The following MMP16 variants were observed in gnomAD, a reference collection of about 807,000 sequenced individuals.
MMP16 encodes the protein matrix metalloproteinase-16.
A neutral mutation model predicts 67.8 loss-of-function variants in MMP16; 12 were observed. The observed-to-expected ratio is 0.18, with a 90% CI of 0.11 to 0.29. The LOEUF is 0.29. Among genes scored for constraint, MMP16 ranks in the 10% least tolerant of loss-of-function variants. MMP16 has a pLI of 1.00. For synonymous variants in MMP16, 249 were observed against 255.9 expected, an observed-to-expected ratio of 0.97 and a Z score of 0.26; for missense variants, 475 against 765.7, an observed-to-expected ratio of 0.62 and a Z score of 4.48.
intron 1 of MMP16, among the ~76,000 whole-genome samples, chr8:88,252,560 A>T (rs1308883316): frequency 6.6e-6 from 1 of 151,844 alleles, no homozygotes; most frequent in Non-Finnish European, 1.5e-5. Flanking sequence ...GTTCAAAAAT[A>T]AAAAAAATCA....
At chr8:88,094,482 T>C (rs1259963852) in intron 6 of MMP16, among the ~76,000 whole-genome samples, 1 of 151,696 alleles carries the variant, frequency 6.6e-6, no homozygotes, top group Non-Finnish European at 1.5e-5. Flanking sequence ...CTGACCATAA[T>C]TATAAACATG....
chr8:88,298,423 G>T (rs1307535448), intron 1 of MMP16, among the ~76,000 whole-genome samples: 2 of 152,146 alleles, frequency 1.3e-5, no homozygotes, highest in Non-Finnish European at 1.5e-5. Flanking sequence ...TTTAGAAAAA[G>T]AAATGGAAAA....
intron 6 of MMP16, among the ~76,000 whole-genome samples, chr8:88,116,299 C>T (rs28907641): frequency 3.2e-4 from 48 of 152,152 alleles, no homozygotes; most frequent in African/African-American, 1.1e-3. Context: ...TCTGCTGACA[C>T]GAATGCATTC....
In MMP16 at chr8:88,059,556, G is replaced by C. The variant is rs533028526; in HGVS notation, c.1223-3278C>G. On this transcript the variant is annotated intron_variant, in intron 7 of 9. Transcript: ENST00000286614. ...CGTGGCTGACATCAGAAACATCCTTGTTCCTCATTTTCCATATTTAATGGA... is the reference window on the plus strand; with the variant it reads ...CGTGGCTGACATCAGAAACATCCTTCTTCCTCATTTTCCATATTTAATGGA... Among the ~76,000 whole-genome samples the C allele has an allele frequency of 7.9e-5, 12 of 152,158 alleles. No homozygotes were observed. The South Asian group carries it at 2.5e-3, about 32-fold the overall frequency.
chr8:88,100,161 G>C (rs62525932), intron 6 of MMP16, among the ~76,000 whole-genome samples: 27,928 of 151,802 alleles, frequency 0.18, 2,999 homozygotes, highest in Middle Eastern at 0.26. Flanking sequence ...GAAGTCCTTA[G>C]CCATGCCTAT....
intron 6 of MMP16, among the ~76,000 whole-genome samples, chr8:88,077,657 C>G (rs1808673805): frequency 6.6e-6 from 1 of 152,054 alleles, no homozygotes; most frequent in Non-Finnish European, 1.5e-5. Flanking sequence ...CAATAAATTT[C>G]TTTAAAGAAA....
In MMP16 at chr8:88,034,799, C is replaced by A. The variant is rs780463296; in HGVS notation, c.*6662G>T. 5.3e-5 allele frequency: 8 copies of A among 152,032 alleles called. No individual in the cohort carries two copies. Among genetic ancestry groups the A allele is most frequent in the Non-Finnish European group, 1.2e-4 (8 of 67,962 alleles). 9.4% of individuals were successfully genotyped at this position (152,032 alleles called of 1,614,324 possible). A position where few individuals can be genotyped will look rare whatever the true frequency, so the allele number is the denominator to read the frequency against. On this transcript the variant is annotated 3_prime_UTR_variant, in exon 10 of 10. Transcript: ENST00000286614. ...TTTCAAATAGACAGCTCACACCAGGCTTCATTCAACCATGTCTTGGCAAGA... is the reference window on the plus strand; with the variant it reads ...TTTCAAATAGACAGCTCACACCAGGATTCATTCAACCATGTCTTGGCAAGA...
At chr8:88,118,596 A>C (rs1169667146) in intron 5 of MMP16, 104 bp downstream of exon 5, 1 of 1,060,972 alleles carries the variant, frequency 9.4e-7, no homozygotes, top group Admixed American at 2.4e-5. Flanking sequence ...CTTTTTCTGT[A>C]GTCATCTGTG....
At chr8:88,249,206 G>A (rs1157349654) in intron 1 of MMP16, among the ~76,000 whole-genome samples, 1 of 151,864 alleles carries the variant, frequency 6.6e-6, no homozygotes, top group Admixed American at 6.6e-5. Context: ...GTGAGGAAAT[G>A]GATGCGGCAG....
At chr8:88,301,112 T>C (rs1811092195) in intron 1 of MMP16, among the ~76,000 whole-genome samples, 1 of 152,202 alleles carries the variant, frequency 6.6e-6, no homozygotes, top group Non-Finnish European at 1.5e-5. Context: ...TATCATCCTT[T>C]AAACCTAGCT....
chr8:88,318,199 C>T (rs1811402644), intron 1 of MMP16, among the ~76,000 whole-genome samples: 1 of 152,118 alleles, frequency 6.6e-6, no homozygotes, highest in African/African-American at 2.4e-5. Context: ...ACCAAATCTT[C>T]CTGAATACTT....
At chr8:88,142,637 G>T (rs377624637) in intron 4 of MMP16, among the ~76,000 whole-genome samples, 2 of 151,936 alleles carry the variant, frequency 1.3e-5, no homozygotes, top group East Asian at 3.9e-4. Flanking sequence ...AGAAATTATG[G>T]GTTTAATGAT....
intron 4 of MMP16, among the ~76,000 whole-genome samples, chr8:88,148,492 T>G (rs1470104701): frequency 6.6e-6 from 1 of 152,192 alleles, no homozygotes; most frequent in Non-Finnish European, 1.5e-5. Flanking sequence ...TGCAGGGAGC[T>G]GTGTATGTAT....
At position 88,033,085 on chromosome 8, in the gene MMP16, T is replaced by G. The variant is rs536028347; in HGVS notation, c.*8376A>C. The G allele has an allele frequency of 2.0e-5, 3 of 152,056 alleles. No individual in the cohort carries two copies. The South Asian group carries it at 6.2e-4, about 32-fold the overall frequency. 9.4% of individuals were successfully genotyped at this position (152,056 alleles called of 1,614,324 possible). A position where few individuals can be genotyped will look rare whatever the true frequency, so the allele number is the denominator to read the frequency against. The stretch of plus-strand genomic sequence containing the variant: ...CTGTATTAATTTTAATTCTTTTACT[T>G]TCCCATAACCACAATATAGAAAGGA... On this transcript the variant is annotated 3_prime_UTR_variant, in exon 10 of 10. Transcript: ENST00000286614.
At chr8:88,214,558 G>C (rs72675180) in intron 1 of MMP16, among the ~76,000 whole-genome samples, 1 of 151,770 alleles carries the variant, frequency 6.6e-6, no homozygotes, top group Non-Finnish European at 1.5e-5. Flanking sequence ...ATGATGTTTT[G>C]AAGTAAGTAT....
intron 6 of MMP16, among the ~76,000 whole-genome samples, chr8:88,099,536 G>T (rs1013783035): frequency 4.6e-5 from 7 of 151,772 alleles, no homozygotes; most frequent in Admixed American, 1.3e-4. Flanking sequence ...GCCTCATGAT[G>T]AGATGGGTAG....
At chr8:88,158,143 T>C (rs576171040) in intron 4 of MMP16, among the ~76,000 whole-genome samples, 63 of 152,304 alleles carry the variant, frequency 4.1e-4, no homozygotes, top group Middle Eastern at 3.4e-3. Context: ...CGTGTGCATG[T>C]GTCTTTATAG....
intron 1 of MMP16, among the ~76,000 whole-genome samples, chr8:88,308,940 C>T (rs930846938): frequency 6.6e-6 from 1 of 151,440 alleles, no homozygotes; most frequent in African/African-American, 2.4e-5. Context: ...TAGTTTAAAA[C>T]ATAAAAAAAT....
At chr8:88,135,929 A>G (rs1269705537) in intron 4 of MMP16, among the ~76,000 whole-genome samples, 2 of 151,902 alleles carry the variant, frequency 1.3e-5, no homozygotes, top group Non-Finnish European at 2.9e-5. Context: ...ACAGGTTTTT[A>G]TTATATAAGT....
Sources: allele counts gnomAD v4.1 joint callset (sites outside exome capture counted in the v4.1 genomes callset), GRCh38; gene constraint gnomAD v4.1.1; transcripts MANE v1.5; gene names NCBI Gene and HGNC (gene_info 2026-07-23, HGNC 2026-07-21).